Variants in IYD observed in about 807,000 individuals in gnomAD.
The protein encoded by IYD is iodotyrosine deiodinase 1.
Under a neutral mutation model 28.4 loss-of-function variants are expected in IYD, and 25 were observed. The ratio of observed to expected loss-of-function variants is 0.88; its 90% CI spans 0.64 to 1.23. The LOEUF is 1.23. IYD is among the 50% of genes most tolerant of loss of function. The pLI, the probability that IYD is intolerant of heterozygous loss-of-function variation, is 0.00. For missense variants in IYD, 352 were observed against 357.9 expected (o/e 0.98, Z 0.13); for synonymous variants, 140 against 130.8 (o/e 1.07, Z -0.48).
In IYD at chr6:150,389,394, T is replaced by A. The variant is rs1444312638; in HGVS notation, c.221T>A (p.Ile74Asn). ...GAATCAGAAGAAAATGTTGAACACA[T>A]CCCCTTCTCTCATAACCACTATCCT... Reference protein sequence around the residue: ...WQESEENVEHIPFSHNHYPEK... With the variant: ...WQESEENVEHNPFSHNHYPEK... Residue 74 changes from isoleucine (I) to asparagine (N), a missense_variant, in exon 2 of 5, where the codon ATC becomes AAC. By Grantham distance (149) the Ile-to-Asn change is moderately radical. Transcript: ENST00000344419. The A allele has an allele frequency of 6.2e-7, 1 of 1,613,896 alleles. No homozygotes were observed. The highest frequency in any genetic ancestry group is 1.3e-5 in the African/African-American group (1 of 75,026).
Position 150,392,380 on chromosome 6 carries a change from A to G in IYD, c.406A>G (p.Thr136Ala). Residue 136 changes from threonine to alanine, a missense_variant, in exon 3 of 5, where the codon ACC becomes GCC. Coordinates refer to ENST00000344419, the MANE Select transcript of IYD (RefSeq NM_203395.3). ...GAGTGGGGCTCACACAGAGCCCTGGACCTTCGTGGTTGTGAAGGACCCAGA... is the reference window on the plus strand; with the variant it reads ...GAGTGGGGCTCACACAGAGCCCTGGGCCTTCGTGGTTGTGAAGGACCCAGA... ...APSGAHTEPW[T>A]FVVVKDPDVK... 1 of 1,613,802 alleles carries G rather than the reference A, an allele frequency of 6.2e-7. No homozygotes were observed. The highest frequency in any genetic ancestry group is 8.5e-7 in the Non-Finnish European group (1 of 1,179,858).
At chr6:150,370,004 A>G (rs1777161121) in intron 1 of IYD, 4 of 702,024 alleles carry the variant, frequency 5.7e-6, no homozygotes, top group African/African-American at 1.7e-5. Context: ...GAGGTGATGA[A>G]GGAGGCAGGT....
intron 4 of IYD, among the ~76,000 whole-genome samples, chr6:150,395,214 T>C (rs1316566765): frequency 6.6e-6 from 1 of 151,688 alleles, no homozygotes; most frequent in East Asian, 1.9e-4. Flanking sequence ...GGCTGGGTAG[T>C]GGATAGAGAG....
intron 3 of IYD, 142 bp downstream of exon 3, chr6:150,392,646 C>A: frequency 3.6e-6 from 3 of 841,140 alleles, no homozygotes; most frequent in African/African-American, 3.4e-5. Context: ...AAGTTAAGTC[C>A]GGGCTCACTC....
intron 1 of IYD, among the ~76,000 whole-genome samples, chr6:150,388,635 C>CTTTCT (rs1482476960): frequency 2.4e-4 from 11 of 46,002 alleles, no homozygotes; most frequent in Non-Finnish European, 5.9e-4. Context: ...TTTTTGCTTT[C>CTTTCT]TTTCTTTCTT....
chr6:150,387,441 A>AT (rs1427899737), intron 1 of IYD, among the ~76,000 whole-genome samples: 1 of 151,766 alleles, frequency 6.6e-6, no homozygotes, highest in African/African-American at 2.4e-5. Context: ...AAAAAAAAAA[A>AT]AAAAAAAGAA....
Position 150,369,201 on chromosome 6 carries a change from C to T in IYD, c.170C>T (p.Ala57Val). The T allele has an allele frequency of 1.2e-6, 2 of 1,612,444 alleles. No homozygotes were observed. Among genetic ancestry groups the T allele is most frequent in the East Asian group, 4.5e-5 (2 of 44,842 alleles). ...AAAGACAGCAGTGACCTGCACCAAGCAGAAGAAGGTAAAGACACCAGCTAT... is the reference window on the plus strand; with the variant it reads ...AAAGACAGCAGTGACCTGCACCAAGTAGAAGAAGGTAAAGACACCAGCTAT... ...DLKDSSDLHQAEEDADEWQES... is the reference protein window; with the variant it reads ...DLKDSSDLHQVEEDADEWQES... Residue 57 changes from alanine (A) to valine (V), a missense_variant, in exon 1 of 5, where the codon GCA (alanine) becomes GTA (valine). Ala to Val is a moderately conservative substitution (Grantham distance 64, BLOSUM62 0). Coordinates refer to ENST00000344419, the MANE Select transcript of IYD (RefSeq NM_203395.3).
At chr6:150,376,839 C>T (rs1777461391) in intron 1 of IYD, among the ~76,000 whole-genome samples, 1 of 152,084 alleles carries the variant, frequency 6.6e-6, no homozygotes, top group African/African-American at 2.4e-5. Context: ...CCAGGCTGGT[C>T]TCGAACTCCT....
intron 1 of IYD, among the ~76,000 whole-genome samples, chr6:150,386,730 A>C (rs1031370427): frequency 1.3e-5 from 2 of 152,124 alleles, no homozygotes; most frequent in African/African-American, 4.8e-5. Flanking sequence ...TTTCCCAGTA[A>C]ATTAAATTGT....
At chr6:150,372,287 T>G (rs1263544911) in intron 1 of IYD, among the ~76,000 whole-genome samples, 34 of 141,682 alleles carry the variant, frequency 2.4e-4, no homozygotes, top group African/African-American at 8.7e-4. Flanking sequence ...GAGGGGTCAT[T>G]GTGTGACCAT....
At chr6:150,375,002 A>T (rs654101) in intron 1 of IYD, among the ~76,000 whole-genome samples, 108,582 of 151,938 alleles carry the variant, frequency 0.71, 40,101 homozygotes, top group Middle Eastern at 0.83. Context: ...GGCTTTAGGA[A>T]AGCACTTCCC....
At position 150,405,208 on chromosome 6, in the gene IYD, C is replaced by G. The variant is rs1778611443; in HGVS notation, c.*6971C>G. On this transcript the variant is annotated 3_prime_UTR_variant, in exon 5 of 5. Coordinates refer to ENST00000344419, the MANE Select transcript of IYD (RefSeq NM_203395.3). ...TCAGTCCCAGGGCTGTTAGCACCTT[C>G]CATCTGCCAGGCCCTCCCTGGTCTA... is the stretch of plus-strand genomic sequence containing the variant. 1 of 152,188 alleles carries G rather than the reference C, an allele frequency of 6.6e-6. No individual in the cohort carries two copies. Among genetic ancestry groups the G allele is most frequent in the African/African-American group, 2.4e-5 (1 of 41,436 alleles). The allele number at this position is 152,188 out of a possible 1,614,324, so 9.4% of individuals were successfully genotyped here.
intron 1 of IYD, among the ~76,000 whole-genome samples, chr6:150,381,303 T>C (rs648205): frequency 0.55 from 84,335 of 152,142 alleles, 23,615 homozygotes; most frequent in African/African-American, 0.59. Context: ...ATCTAGACTT[T>C]ACCTACTTTT....
chr6:150,397,072 G>A (rs1778351218), intron 4 of IYD, among the ~76,000 whole-genome samples: 1 of 151,960 alleles, frequency 6.6e-6, no homozygotes. Context: ...TATAGTATAT[G>A]ATGATGTTGT....
Position 150,394,104 on chromosome 6 carries a change from A to C in IYD, c.536A>C (p.Asn179Thr). The part of the protein sequence containing the change: ...WVTDLKKLRT[N>T]WIKEYLDTAP... Reference sequence around the variant, plus strand: ...AATCTCTTTTCTCTTCACAGAACCAACTGGATTAAAGAGTACTTGGATACT... The same window carrying C: ...AATCTCTTTTCTCTTCACAGAACCACCTGGATTAAAGAGTACTTGGATACT... The change falls in exon 4 of 5, where the codon AAC (asparagine) becomes ACC (threonine). Residue 179 changes from asparagine (N) to threonine (T), a missense_variant. By Grantham distance (65) the Asn-to-Thr change is moderately conservative. Coordinates refer to ENST00000344419, the MANE Select transcript of IYD (RefSeq NM_203395.3). 1.2e-6 allele frequency: 2 copies of C among 1,614,112 alleles called. No homozygotes were observed. The highest frequency in any genetic ancestry group is 1.7e-6 in the Non-Finnish European group (2 of 1,179,952).
chr6:150,374,277 G>C (rs1777368512), intron 1 of IYD, among the ~76,000 whole-genome samples: 1 of 152,230 alleles, frequency 6.6e-6, no homozygotes, highest in Admixed American at 6.5e-5. Context: ...AGTTAAACCT[G>C]TGTGTTTTCA....
chr6:150,378,341 C>A (rs1582775389), intron 1 of IYD, among the ~76,000 whole-genome samples: 1 of 151,218 alleles, frequency 6.6e-6, no homozygotes, highest in East Asian at 2.0e-4. Flanking sequence ...CCCCCCACCC[C>A]ACAACAGTCC....
At position 150,402,308 on chromosome 6, in the gene IYD, C is replaced by T. The variant is rs1318359724; in HGVS notation, c.*4071C>T. On this transcript the variant is annotated 3_prime_UTR_variant, in exon 5 of 5. Coordinates refer to ENST00000344419, the MANE Select transcript of IYD (RefSeq NM_203395.3). ...CTGGAAGAGGTCACCCCAACAATTC[C>T]ATCGTACCTTGGCCTAGGAGTGACC... is the stretch of plus-strand genomic sequence containing the variant. 1.3e-5 allele frequency: 2 copies of T among 152,200 alleles called. No individual in the cohort carries two copies. The highest frequency in any genetic ancestry group is 1.3e-4 in the Admixed American group (2 of 15,284). The allele number at this position is 152,200 out of a possible 1,614,324, so 9.4% of individuals were successfully genotyped here. A position where few individuals can be genotyped will look rare whatever the true frequency, so the allele number is the denominator to read the frequency against.
intron 1 of IYD, among the ~76,000 whole-genome samples, chr6:150,376,008 A>G (rs1345761588): frequency 6.6e-6 from 1 of 152,224 alleles, no homozygotes; most frequent in Non-Finnish European, 1.5e-5. Flanking sequence ...CTTCCATGCT[A>G]AATGTGAAAA....
Sources: gnomAD v4.1 joint callset for allele counts (sites outside exome capture counted in the v4.1 genomes callset) on GRCh38, gnomAD v4.1.1 for gene constraint, MANE v1.5 for transcripts, NCBI Gene and HGNC (gene_info 2026-07-23, HGNC 2026-07-21) for gene names.